FAM53A: variants seen among roughly 807,000 people sequenced by gnomAD.
FAM53A encodes the protein protein FAM53A.
In FAM53A, 28 loss-of-function variants were observed where a neutral mutation model predicts 26.6. The ratio of observed to expected loss-of-function variants is 1.05; its 90% CI spans 0.78 to 1.45. The LOEUF is 1.45. FAM53A is among the 40% of genes most tolerant of loss of function. The probability of loss-of-function intolerance (pLI) is 0.00; values close to 1 mark genes in which losing one functional copy is unlikely to be tolerated. For synonymous variants in FAM53A, 290 were observed against 253.1 expected, an observed-to-expected ratio of 1.15 and a Z score of -1.38; for missense variants, 650 against 575.8, an observed-to-expected ratio of 1.13 and a Z score of -1.32.
intron 4 of FAM53A, chr4:1,644,448 A>G: frequency 7.2e-7 from 1 of 1,393,168 alleles, no homozygotes; most frequent in Non-Finnish European, 9.6e-7. Flanking sequence ...TCAGCGCCCA[A>G]CAGCGCTAGC....
chr4:1,683,130 A>G (rs1323522681), intron 1 of FAM53A, among the ~76,000 whole-genome samples: 1 of 152,240 alleles, frequency 6.6e-6, no homozygotes, highest in Admixed American at 6.5e-5. Context: ...ATTGTCTGAA[A>G]GAACTACCAC....
chr4:1,615,138 C>A (rs994027007), downstream of FAM53A, among the ~76,000 whole-genome samples: 1 of 149,426 alleles, frequency 6.7e-6, no homozygotes, highest in Non-Finnish European at 1.5e-5. Context: ...GCAGCCACGC[C>A]CACCCCACCT....
intron 1 of FAM53A, among the ~76,000 whole-genome samples, chr4:1,681,386 C>G (rs1036723993): frequency 6.6e-6 from 1 of 152,266 alleles, no homozygotes; most frequent in East Asian, 1.9e-4. Flanking sequence ...GGGTTTCTCC[C>G]CGTGTCTCAG....
At chr4:1,623,004 A>G (rs74605618) in intron 1 of FAM53A, among the ~76,000 whole-genome samples, 41,044 of 152,220 alleles carry the variant, frequency 0.27, 6,228 homozygotes, top group Non-Finnish European at 0.35. Context: ...TCTTGTGCCC[A>G]TGGGGAAACG....
At chr4:1,648,055 G>A (rs2108847850) in intron 4 of FAM53A, among the ~76,000 whole-genome samples, 1 of 152,218 alleles carries the variant, frequency 6.6e-6, no homozygotes, top group African/African-American at 2.4e-5. Context: ...AAAAAATTGA[G>A]AATATTAGCT....
At chr4:1,614,187 C>T (rs1297294914), downstream of FAM53A, among the ~76,000 whole-genome samples, 6 of 152,096 alleles carry the variant, frequency 3.9e-5, no homozygotes, top group East Asian at 7.7e-4. Flanking sequence ...CTGCAGGCTG[C>T]GCGCAGCCCA....
intron 1 of FAM53A, among the ~76,000 whole-genome samples, chr4:1,620,878 G>A (rs1714996975): frequency 6.6e-6 from 1 of 152,126 alleles, no homozygotes; most frequent in South Asian, 2.1e-4. Flanking sequence ...CAGAGTTGGA[G>A]GTGGCCATGC....
chr4:1,654,709 C>T (rs552287200), intron 4 of FAM53A, among the ~76,000 whole-genome samples: 2 of 152,388 alleles, frequency 1.3e-5, no homozygotes, highest in African/African-American at 4.8e-5. Flanking sequence ...TCCCCCAGGC[C>T]TCACTGCAAG....
downstream of FAM53A, among the ~76,000 whole-genome samples, chr4:1,637,752 C>T (rs1295850085): frequency 2.0e-5 from 3 of 152,118 alleles, no homozygotes; most frequent in Non-Finnish European, 4.4e-5. Context: ...TCACAGGCCC[C>T]CAGCGCAGGA....
intron 1 of FAM53A, among the ~76,000 whole-genome samples, chr4:1,623,168 C>T (rs1715125260): frequency 6.6e-6 from 1 of 152,192 alleles, no homozygotes; most frequent in Admixed American, 6.5e-5. Context: ...AGTCCACGGC[C>T]AGGGCCCTGG....
chr4:1,580,662 A>G, the FAM53A span, among the ~76,000 whole-genome samples: 5 of 85,912 alleles, frequency 5.8e-5, no homozygotes, highest in African/African-American at 1.9e-4. Context: ...CCTCCCGCCC[A>G]GGCCACGCCT....
chr4:1,665,283 A>C (rs1056927885), intron 2 of FAM53A, among the ~76,000 whole-genome samples: 2 of 151,704 alleles, frequency 1.3e-5, no homozygotes, highest in Non-Finnish European at 2.9e-5. Context: ...GCACCACTGC[A>C]CTCCAGCCTG....
chr4:1,646,163 C>T lies in FAM53A; in HGVS notation c.883-4556G>A, dbSNP rs189474330. ...TCGCCCAGGTTGGAGTGCAGTGGCG[C>T]GGTCTCGGCTCACTGCAACCTCCGC... is the stretch of plus-strand genomic sequence containing the variant. On this transcript the variant is annotated intron_variant, in intron 4 of 4. Coordinates refer to ENST00000308132, the MANE Select transcript of FAM53A (RefSeq NM_001174070.3). 3.0e-3 allele frequency among the ~76,000 whole-genome samples: 463 copies of T among 151,928 alleles called. 5 individuals are homozygous for T. The highest frequency in any genetic ancestry group is 1.4e-3 in the Non-Finnish European group (96 of 67,956).
intron 1 of FAM53A, among the ~76,000 whole-genome samples, chr4:1,629,271 C>T (rs1405023940): frequency 6.6e-6 from 1 of 152,132 alleles, no homozygotes; most frequent in Non-Finnish European, 1.5e-5. Flanking sequence ...AGAGGGAGGC[C>T]GAGGCTGTGG....
rs147607119 is a variant in FAM53A at position 1,623,130 on chromosome 4, G to C, written c.432-5019C>G. ...ATGCGGTCCCCCACGCTGAGCAGCA[G>C]AAAGTATGGCAGGTCCAGCCCTCCA... On this transcript the variant is annotated intron_variant, in intron 1 of 1. Coordinates refer to the FAM53A transcript ENST00000489029. 7.5e-3 allele frequency among the ~76,000 whole-genome samples: 1,150 copies of C among 152,344 alleles called. 12 individuals carry two copies. The highest frequency in any genetic ancestry group is 0.026 in the African/African-American group (1,089 of 41,572).
chr4:1,644,504 T>A, intron 4 of FAM53A: 1 of 928,774 alleles, frequency 1.1e-6, no homozygotes, highest in Non-Finnish European at 1.5e-6. Flanking sequence ...GTAGAGACGG[T>A]GGAAACCGAG....
At chr4:1,613,510 A>C (rs1036212240), downstream of FAM53A, among the ~76,000 whole-genome samples, 3 of 152,216 alleles carry the variant, frequency 2.0e-5, no homozygotes, top group Non-Finnish European at 4.4e-5. Flanking sequence ...ACAAACACGC[A>C]AAACACTGCA....
the FAM53A span, among the ~76,000 whole-genome samples, chr4:1,612,345 G>A: frequency 2.6e-5 from 4 of 152,132 alleles, no homozygotes; most frequent in African/African-American, 7.2e-5. Flanking sequence ...GACCTCTCAC[G>A]GTGCTGCCAG....
rs2108841001 is a variant in FAM53A, at chr4:1,646,898, G to C, written c.883-5291C>G. Among the ~76,000 whole-genome samples the C allele has an allele frequency of 1.3e-5, 2 of 152,260 alleles. 1 individual carries two copies. Among genetic ancestry groups the C allele is most frequent in the South Asian group, 4.1e-4 (2 of 4,828 alleles). ...CTCTACGTGGCAAAAGCTTTTCAAAGCCCTAAAAGCACACGCTTTTATAGA... is the reference window on the plus strand; with the variant it reads ...CTCTACGTGGCAAAAGCTTTTCAAACCCCTAAAAGCACACGCTTTTATAGA... On this transcript the variant is annotated intron_variant, in intron 4 of 4. Coordinates refer to ENST00000308132, the MANE Select transcript of FAM53A (RefSeq NM_001174070.3).
Sources: allele counts gnomAD v4.1 joint callset (sites outside exome capture counted in the v4.1 genomes callset), GRCh38; gene constraint gnomAD v4.1.1; transcripts MANE v1.5; gene names NCBI Gene and HGNC (gene_info 2026-07-23, HGNC 2026-07-21).